Variants in PCDHGA7 observed in about 807,000 individuals in gnomAD.
PCDHGA7 encodes protocadherin gamma subfamily A, 7.
Under a neutral mutation model 58.3 loss-of-function variants are expected in PCDHGA7, and 44 were observed. That is an observed-to-expected ratio of 0.75 (90% CI 0.59 to 0.97). The LOEUF (loss-of-function observed/expected upper bound fraction) is 0.97, where lower values mean the gene tolerates loss of function less well. Among genes scored for constraint, PCDHGA7 ranks in the 50% least tolerant of loss-of-function variants. The probability of loss-of-function intolerance (pLI) is 0.00; values close to 1 mark genes in which losing one functional copy is unlikely to be tolerated. For missense variants in PCDHGA7, 1,266 were observed against 1,188.7 expected (o/e 1.06, Z -0.96); for synonymous variants, 516 against 504.2 (o/e 1.02, Z -0.31).
intron 1 of PCDHGA7, chr5:141,420,440 C>G (rs1298244162): frequency 9.3e-7 from 1 of 1,076,214 alleles, no homozygotes; most frequent in Non-Finnish European, 1.2e-6. Context: ...AATTAAATGC[C>G]TCAGTCTTCC....
intron 1 of PCDHGA7, among the ~76,000 whole-genome samples, chr5:141,401,296 C>G (rs2094138441): frequency 6.6e-6 from 1 of 152,104 alleles, no homozygotes; most frequent in African/African-American, 2.4e-5. Flanking sequence ...GAGCCGAGAT[C>G]ACTCCATTGC....
intron 3 of PCDHGA7, 31 bp downstream of exon 3, chr5:141,505,512 T>C (rs754223095): frequency 6.2e-7 from 1 of 1,613,676 alleles, no homozygotes; most frequent in South Asian, 1.1e-5. Context: ...TATGGAAGAG[T>C]GGGAGACCTG....
intron 1 of PCDHGA7, chr5:141,408,785 T>C: frequency 6.2e-7 from 1 of 1,612,308 alleles, no homozygotes; most frequent in Non-Finnish European, 8.5e-7. Context: ...CCCAGAGTTA[T>C]CTCTGGAGAA....
chr5:141,384,412 G>T lies in PCDHGA7; in HGVS notation c.1513G>T (p.Val505Phe), dbSNP rs776239248. The T allele has an allele frequency of 9.9e-6, 16 of 1,613,894 alleles. 1 individual carries two copies. The Middle Eastern group carries it at 2.3e-3, about 233-fold the overall frequency. ...CCAGGGGGCTCCAGTGTCCTCCTAT[G>T]TCTCCATAAACTCTGACACTGGAGT... ...TIQGAPVSSYVSINSDTGVLY... is the reference protein window; with the variant it reads ...TIQGAPVSSYFSINSDTGVLY... The change falls in exon 1 of 4, where the codon GTC (valine) becomes TTC (phenylalanine). Residue 505 changes from valine to phenylalanine, a missense_variant. Physicochemically the swap from Val to Phe is conservative, Grantham distance 50. Transcript: ENST00000518325.
chr5:141,439,487 G>A lies in PCDHGA7; in HGVS notation c.2424+54164G>A, dbSNP rs11952418. 8.3e-3 allele frequency among the ~76,000 whole-genome samples: 1,269 copies of A among 152,266 alleles called. 16 individuals are homozygous for A. Among genetic ancestry groups the A allele is most frequent in the African/African-American group, 0.029 (1,205 of 41,540 alleles). Reference sequence around the variant, plus strand: ...GCTGCCTTTCAGCTTGCAAATTCCAGTGAGAAACGTCTTTCTCTCTGCTCT... The same window carrying A: ...GCTGCCTTTCAGCTTGCAAATTCCAATGAGAAACGTCTTTCTCTCTGCTCT... On this transcript the variant is annotated intron_variant, in intron 1 of 3. Coordinates refer to ENST00000518325, the MANE Select transcript of PCDHGA7 (RefSeq NM_018920.4).
chr5:141,383,276 T>G lies in PCDHGA7; in HGVS notation c.377T>G (p.Ile126Ser), dbSNP rs550293015. The G allele has an allele frequency of 3.8e-5, 61 of 1,613,822 alleles. No homozygotes were observed. The highest frequency in any genetic ancestry group is 5.1e-5 in the Non-Finnish European group (60 of 1,179,878). Reference sequence around the variant, plus strand: ...CCTATAGACGTGGAAATAATAGATATTAATGACAACGTTCCAAGATTCTTG... The same window carrying G: ...CCTATAGACGTGGAAATAATAGATAGTAATGACAACGTTCCAAGATTCTTG... ...LYPIDVEIID[I>S]NDNVPRFLTE... The change falls in exon 1 of 4, where the codon ATT becomes AGT. Residue 126 changes from isoleucine to serine, a missense_variant. Physicochemically the swap from Ile to Ser is moderately radical, Grantham distance 142 (BLOSUM62 -2). Transcript: ENST00000518325.
intron 1 of PCDHGA7, among the ~76,000 whole-genome samples, chr5:141,463,518 G>T (rs537466389): frequency 7.2e-6 from 1 of 139,068 alleles, no homozygotes; most frequent in African/African-American, 2.8e-5. Context: ...GCGTGATCTC[G>T]GCTTACTAGA....
In PCDHGA7 at chr5:141,486,718, A is replaced by G; in HGVS notation, c.2425-8089A>G. 6.2e-7 allele frequency: 1 copy of G among 1,614,106 alleles called. No individual in the cohort carries two copies. The highest frequency in any genetic ancestry group is 1.7e-5 in the Admixed American group (1 of 60,022). On this transcript the variant is annotated intron_variant, in intron 1 of 3. Coordinates refer to ENST00000518325, the MANE Select transcript of PCDHGA7 (RefSeq NM_018920.4). This position sits in a 1 kb window ranked among gnomAD's most constrained non-coding sequence, Gnocchi z 5.0. Reference sequence around the variant, plus strand: ...TCATCTCTCTGAACCCCCAGACAGGAGCTGTTCATGCTACTCGATCCTTTG... The same window carrying G: ...TCATCTCTCTGAACCCCCAGACAGGGGCTGTTCATGCTACTCGATCCTTTG...
At position 141,414,131 on chromosome 5, in the gene PCDHGA7, A is replaced by G. The variant is rs977911874; in HGVS notation, c.2424+28808A>G. 1.9e-6 allele frequency: 3 copies of G among 1,594,622 alleles called. No homozygotes were observed. The highest frequency in any genetic ancestry group is 2.7e-5 in the African/African-American group (2 of 74,402). The stretch of plus-strand genomic sequence containing the variant: ...CTAGATTATGAAGAAACCGGTTTCT[A>G]TGAAATAGAAATACAAGCAGAAGAT... On this transcript the variant is annotated intron_variant, in intron 1 of 3. Transcript: ENST00000518325.
At position 141,413,842 on chromosome 5, in the gene PCDHGA7, G is replaced by T. The variant is rs1181086477; in HGVS notation, c.2424+28519G>T. 6.2e-6 allele frequency: 10 copies of T among 1,613,176 alleles called. No homozygotes were observed. In the Admixed American group the frequency reaches 1.7e-4, roughly 27 times the overall value. The stretch of plus-strand genomic sequence containing the variant: ...GGTCCTCACCGCCTCCGACGGGGGT[G>T]ACCCTCTCCGATCTGGCACTGTCCT... On this transcript the variant is annotated intron_variant, in intron 1 of 3. Transcript: ENST00000518325.
chr5:141,483,730 T>G (rs999201456), intron 1 of PCDHGA7, among the ~76,000 whole-genome samples: 1 of 152,014 alleles, frequency 6.6e-6, no homozygotes, highest in Non-Finnish European at 1.5e-5. Flanking sequence ...CCCACCATAG[T>G]CAAAAGGATA....
intron 1 of PCDHGA7, chr5:141,420,364 ACTT>A (rs746817317): frequency 1.3e-4 from 174 of 1,368,558 alleles, no homozygotes; most frequent in Non-Finnish European, 1.6e-4. Context: ...ATTCTAGATA[ACTT>A]CTTCATAGAG....
intron 1 of PCDHGA7, among the ~76,000 whole-genome samples, chr5:141,401,393 A>G (rs2094149748): frequency 6.6e-6 from 1 of 152,202 alleles, no homozygotes. Context: ...ACTACATGTT[A>G]TGTGTATGAG....
intron 1 of PCDHGA7, chr5:141,427,774 G>T: frequency 1.4e-6 from 2 of 1,420,908 alleles, no homozygotes; most frequent in Non-Finnish European, 2.0e-6. Context: ...TTGGAGCTGC[G>T]GGCACTGTCG....
At chr5:141,482,888 A>G (rs1012212528) in intron 1 of PCDHGA7, among the ~76,000 whole-genome samples, 3 of 152,208 alleles carry the variant, frequency 2.0e-5, no homozygotes, top group African/African-American at 7.2e-5. Context: ...CCTGGCCAAC[A>G]TGGTGAAACC....
chr5:141,437,978 C>T (rs1014157103), intron 1 of PCDHGA7, among the ~76,000 whole-genome samples: 2 of 152,212 alleles, frequency 1.3e-5, no homozygotes, highest in East Asian at 1.9e-4. Context: ...TCTTGGGATG[C>T]ACCCACCCCA....
chr5:141,394,128 GC>G, intron 1 of PCDHGA7: 4 of 1,613,730 alleles, frequency 2.5e-6, no homozygotes, highest in Non-Finnish European at 3.4e-6. Context: ...AACTCAAATC[GC>G]TCTGCACGTG....
At chr5:141,387,774 G>C (rs2091089351) in intron 1 of PCDHGA7, 3 of 1,445,206 alleles carry the variant, frequency 2.1e-6, no homozygotes, top group East Asian at 2.5e-5. Context: ...ATTTTTTCTT[G>C]AACTGGAACT....
chr5:141,477,469 T>C lies in PCDHGA7; in HGVS notation c.2425-17338T>C, dbSNP rs2099411540. ...TGCGTGTTCAAGTGTCCGACATCAA[T>C]GACAACCCTCCACAATCTTCTCAAT... On this transcript the variant is annotated intron_variant, in intron 1 of 3. Coordinates refer to ENST00000518325, the MANE Select transcript of PCDHGA7 (RefSeq NM_018920.4). The surrounding 1 kb of genome is among the most constrained non-coding windows in gnomAD (Gnocchi z 4.9). 6.2e-7 allele frequency: 1 copy of C among 1,614,028 alleles called. No homozygotes were observed. Among genetic ancestry groups the C allele is most frequent in the South Asian group, 1.1e-5 (1 of 91,078 alleles).
Sources: allele counts gnomAD v4.1 joint callset (sites outside exome capture counted in the v4.1 genomes callset), GRCh38; gene constraint gnomAD v4.1.1; non-coding constraint Gnocchi (gnomAD v3.1); transcripts MANE v1.5; gene names NCBI Gene and HGNC (gene_info 2026-07-23, HGNC 2026-07-21).